Variants in XKR6 observed in about 807,000 individuals in gnomAD.
XKR6 encodes the protein XK-related protein 6.
A neutral mutation model predicts 56.7 loss-of-function variants in XKR6; 22 were observed. The observed-to-expected ratio is 0.39, with a 90% CI of 0.28 to 0.55. The LOEUF is 0.55. Among genes scored for constraint, XKR6 ranks in the 20% least tolerant of loss-of-function variants. The probability of loss-of-function intolerance (pLI) is 0.66; values close to 1 mark genes in which losing one functional copy is unlikely to be tolerated. For synonymous variants in XKR6, 524 were observed against 387.8 expected, an observed-to-expected ratio of 1.35 and a Z score of -4.13; for missense variants, 852 against 889.0, an observed-to-expected ratio of 0.96 and a Z score of 0.53.
At chr8:10,950,166 G>T (rs1057085616) in intron 1 of XKR6, among the ~76,000 whole-genome samples, 11 of 152,150 alleles carry the variant, frequency 7.2e-5, no homozygotes, top group Non-Finnish European at 1.3e-4. Flanking sequence ...CCAACAGGTG[G>T]GGGTGGGACT....
At chr8:10,951,289 G>A (rs1309580179) in intron 1 of XKR6, among the ~76,000 whole-genome samples, 2 of 138,564 alleles carry the variant, frequency 1.4e-5, no homozygotes, top group Admixed American at 1.4e-4. Context: ...AGAAAAGTGT[G>A]TGTGTGTGTG....
At chr8:11,076,547 C>G (rs986158764) in intron 1 of XKR6, among the ~76,000 whole-genome samples, 1 of 152,154 alleles carries the variant, frequency 6.6e-6, no homozygotes, top group Non-Finnish European at 1.5e-5. Context: ...GTCTCGTGAG[C>G]TGTGCGACCT....
At chr8:10,955,439 C>T (rs1801855431) in intron 1 of XKR6, among the ~76,000 whole-genome samples, 1 of 152,104 alleles carries the variant, frequency 6.6e-6, no homozygotes, top group Non-Finnish European at 1.5e-5. Flanking sequence ...TGTAGGCCTC[C>T]CAAAGTGCTA....
At chr8:11,100,010 G>C (rs892498506) in intron 1 of XKR6, among the ~76,000 whole-genome samples, 10 of 152,226 alleles carry the variant, frequency 6.6e-5, no homozygotes, top group African/African-American at 2.4e-4. Flanking sequence ...CTGGGAGGGA[G>C]AGGGGGTGCA....
chr8:11,073,816 G>T (rs1800195849), intron 1 of XKR6, among the ~76,000 whole-genome samples: 1 of 152,070 alleles, frequency 6.6e-6, no homozygotes, highest in African/African-American at 2.4e-5. Flanking sequence ...AGACAGACAG[G>T]GACCCATTCC....
At chr8:10,972,645 G>C (rs1057193647) in intron 1 of XKR6, among the ~76,000 whole-genome samples, 13 of 152,230 alleles carry the variant, frequency 8.5e-5, no homozygotes, top group African/African-American at 2.9e-4. Flanking sequence ...CCACTTATGT[G>C]AGCTATTCAG....
At chr8:11,098,899 T>C (rs1290124256) in intron 1 of XKR6, among the ~76,000 whole-genome samples, 1 of 152,052 alleles carries the variant, frequency 6.6e-6, no homozygotes, top group African/African-American at 2.4e-5. Flanking sequence ...TCTGGAACAT[T>C]CCCCCATGGA....
At chr8:10,974,264 C>T (rs923398372) in intron 1 of XKR6, among the ~76,000 whole-genome samples, 18 of 152,122 alleles carry the variant, frequency 1.2e-4, no homozygotes, top group Non-Finnish European at 7.4e-5. Context: ...GTGAATAAGC[C>T]GGGAATTAGA....
chr8:10,994,982 G>A (rs1224976659), intron 1 of XKR6, among the ~76,000 whole-genome samples: 1 of 152,170 alleles, frequency 6.6e-6, no homozygotes, highest in East Asian at 1.9e-4. Flanking sequence ...CACACAAAGA[G>A]AGATGAGCTC....
At chr8:10,910,556 C>A (rs1339204720) in intron 2 of XKR6, among the ~76,000 whole-genome samples, 2 of 152,198 alleles carry the variant, frequency 1.3e-5, no homozygotes, top group Non-Finnish European at 2.9e-5. Flanking sequence ...GGAAAGACGA[C>A]ATGTGAGAAA....
intron 1 of XKR6, among the ~76,000 whole-genome samples, chr8:10,966,154 C>T (rs1420437895): frequency 6.6e-6 from 1 of 152,184 alleles, no homozygotes; most frequent in African/African-American, 2.4e-5. Context: ...ATCCGGACTA[C>T]TTGAGTGGGA....
intron 1 of XKR6, among the ~76,000 whole-genome samples, chr8:10,950,624 C>T (rs80172847): frequency 6.6e-6 from 1 of 152,220 alleles, no homozygotes; most frequent in African/African-American, 2.4e-5. Flanking sequence ...AAACCCCTGA[C>T]AAGAACAGAA....
At chr8:11,130,323 G>A (rs908379089) in intron 1 of XKR6, among the ~76,000 whole-genome samples, 3 of 152,016 alleles carry the variant, frequency 2.0e-5, no homozygotes, top group Non-Finnish European at 2.9e-5. Context: ...ATCTAAGTTC[G>A]GGATTTTTAC....
chr8:11,129,043 T>A (rs990084916), intron 1 of XKR6: 7 of 446,272 alleles, frequency 1.6e-5, no homozygotes, highest in African/African-American at 1.4e-4. Flanking sequence ...ATTAAGCACA[T>A]CTTAGGCTTC....
At chr8:11,109,238 C>G (rs894753266) in intron 1 of XKR6, 1 of 152,212 alleles carries the variant, frequency 6.6e-6, no homozygotes, top group Non-Finnish European at 1.5e-5. Context: ...AGGAAGCAAG[C>G]ATCAAACCCT....
chr8:10,908,783 A>C (rs890598119), intron 2 of XKR6, among the ~76,000 whole-genome samples: 1 of 152,218 alleles, frequency 6.6e-6, no homozygotes, highest in African/African-American at 2.4e-5. Context: ...AGAGGTGGTT[A>C]GGCCATGAGG....
intron 1 of XKR6, among the ~76,000 whole-genome samples, chr8:11,027,444 T>A: frequency 6.6e-6 from 1 of 152,220 alleles, no homozygotes; most frequent in Non-Finnish European, 1.5e-5. Flanking sequence ...TGGTCCACCT[T>A]ATATTCCTAT....
intron 1 of XKR6, among the ~76,000 whole-genome samples, chr8:10,944,169 C>G (rs1801466714): frequency 6.6e-6 from 1 of 152,198 alleles, no homozygotes; most frequent in Non-Finnish European, 1.5e-5. Flanking sequence ...GGCCCTGGCT[C>G]TGATGACTCT....
intron 1 of XKR6, among the ~76,000 whole-genome samples, chr8:11,077,057 C>T (rs1018990453): frequency 2.1e-5 from 3 of 142,474 alleles, no homozygotes; most frequent in Admixed American, 6.9e-5. Context: ...TGCCTGTAGT[C>T]CCAAGCTACT....
Sources: allele counts gnomAD v4.1 joint callset (sites outside exome capture counted in the v4.1 genomes callset), GRCh38; gene constraint gnomAD v4.1.1; transcripts MANE v1.5; gene names NCBI Gene and HGNC (gene_info 2026-07-23, HGNC 2026-07-21).